The following IL18 variants were observed in gnomAD, a reference collection of about 807,000 sequenced individuals.
IL18 encodes interleukin-18.
A neutral mutation model predicts 14.2 loss-of-function variants in IL18; 8 were observed. The observed-to-expected ratio is 0.56, with a 90% CI of 0.33 to 1.01. IL18 has a LOEUF of 1.01. Among genes scored for constraint, IL18 ranks in the 50% least tolerant of loss-of-function variants. The pLI, the probability that IL18 is intolerant of heterozygous loss-of-function variation, is 0.03. For synonymous variants in IL18, 67 were observed against 71.0 expected (o/e 0.94, Z 0.28); for missense variants, 166 against 231.1 (o/e 0.72, Z 1.83).
chr11:112,152,503 C>T (rs1386056452), intron 3 of IL18, among the ~76,000 whole-genome samples: 1 of 152,170 alleles, frequency 6.6e-6, no homozygotes, highest in Non-Finnish European at 1.5e-5. Flanking sequence ...TTTAAAGAGT[C>T]ATATGGCTAC....
At chr11:112,156,615 T>C (rs1475498261) in intron 1 of IL18, among the ~76,000 whole-genome samples, 2 of 152,014 alleles carry the variant, frequency 1.3e-5, no homozygotes, top group Non-Finnish European at 2.9e-5. Context: ...AGATAAGTTT[T>C]CATATGTTTG....
chr11:112,157,419 G>C (rs1866552628), intron 1 of IL18, among the ~76,000 whole-genome samples: 2 of 152,178 alleles, frequency 1.3e-5, no homozygotes, highest in South Asian at 4.1e-4. Flanking sequence ...CACCAGTTAA[G>C]GTTTGAGCAT....
At chr11:112,160,339 T>C (rs779192968) in intron 1 of IL18, among the ~76,000 whole-genome samples, 15 of 134,728 alleles carry the variant, frequency 1.1e-4, no homozygotes, top group Non-Finnish European at 2.0e-4. Context: ...CTGCAAACCC[T>C]GCCTCATCTT....
At chr11:112,154,517 A>G (rs1866499933) in intron 2 of IL18, among the ~76,000 whole-genome samples, 1 of 152,106 alleles carries the variant, frequency 6.6e-6, no homozygotes. Context: ...CAGAAAAAAA[A>G]AAAAAAGAAT....
chr11:112,162,682 T>C (rs1866654426), intron 1 of IL18, among the ~76,000 whole-genome samples: 1 of 152,212 alleles, frequency 6.6e-6, no homozygotes, highest in Admixed American at 6.5e-5. Context: ...TCCTGCTATT[T>C]TGCAGTGAAC....
At chr11:112,156,035 G>A (rs1866525141) in intron 1 of IL18, among the ~76,000 whole-genome samples, 1 of 152,172 alleles carries the variant, frequency 6.6e-6, no homozygotes, top group Non-Finnish European at 1.5e-5. Flanking sequence ...TGAAATTACA[G>A]AAGTTTAGTC....
At chr11:112,146,711 G>A (rs1039849392) in intron 5 of IL18, among the ~76,000 whole-genome samples, 2 of 151,956 alleles carry the variant, frequency 1.3e-5, no homozygotes, top group Admixed American at 6.6e-5. Context: ...TTAAAGACAA[G>A]GGCTAAAACT....
At chr11:112,162,482 T>A (rs1392471824) in intron 1 of IL18, among the ~76,000 whole-genome samples, 1 of 152,064 alleles carries the variant, frequency 6.6e-6, no homozygotes, top group Admixed American at 6.6e-5. Flanking sequence ...TAGTTGGGAC[T>A]ACAGGCACAT....
intron 1 of IL18, among the ~76,000 whole-genome samples, chr11:112,162,560 G>T (rs1016769813): frequency 5.3e-5 from 8 of 152,074 alleles, no homozygotes; most frequent in Non-Finnish European, 7.4e-5. Context: ...GCCCAGGCTG[G>T]TCTTGAACTC....
chr11:112,153,480 G>T, intron 3 of IL18, 112 bp downstream of exon 3: 1 of 601,410 alleles, frequency 1.7e-6, no homozygotes, highest in Non-Finnish European at 2.8e-6. Context: ...TTTGAAGGCA[G>T]ATTGGTAGCA....
At position 112,143,749 on chromosome 11, in the gene IL18, T is replaced by C; in HGVS notation, c.429A>G (p.Pro143=). 1 of 1,612,942 alleles carries C rather than the reference T, an allele frequency of 6.2e-7. No homozygotes were observed. The highest frequency in any genetic ancestry group is 8.5e-7 in the Non-Finnish European group (1 of 1,179,018). Residue 143 remains proline (P), a synonymous_variant, in exon 6 of 6, where the codon CCA becomes CCG. Transcript: ENST00000280357. ...SDIIFFQRSV[P]GHDNKMQFES... is the part of the protein sequence containing the mutation. ...CAAATTGCATCTTATTATCATGTCCTGGGACACTTCTCTGAAAGAATATGA... is the reference window on the plus strand; with the variant it reads ...CAAATTGCATCTTATTATCATGTCCCGGGACACTTCTCTGAAAGAATATGA...
At chr11:112,162,248 T>G (rs1008475389) in intron 1 of IL18, among the ~76,000 whole-genome samples, 2 of 151,958 alleles carry the variant, frequency 1.3e-5, no homozygotes, top group African/African-American at 4.8e-5. Flanking sequence ...TTTGAATAGA[T>G]AGAGAAGGCA....
At chr11:112,163,621 A>G (rs1168965893) in intron 1 of IL18, among the ~76,000 whole-genome samples, 1 of 152,158 alleles carries the variant, frequency 6.6e-6, no homozygotes, top group Non-Finnish European at 1.5e-5. Flanking sequence ...AAAAGTACAT[A>G]GTTATTTTTA....
At chr11:112,145,250 T>A (rs991960112) in intron 5 of IL18, among the ~76,000 whole-genome samples, 1 of 152,202 alleles carries the variant, frequency 6.6e-6, no homozygotes, top group African/African-American at 2.4e-5. Flanking sequence ...GGTCCTAAGT[T>A]GATGAAAGTA....
At chr11:112,149,534 G>C (rs1866399911) in intron 4 of IL18, among the ~76,000 whole-genome samples, 1 of 146,208 alleles carries the variant, frequency 6.8e-6, no homozygotes, top group Admixed American at 6.9e-5. Context: ...AGGCACAGTA[G>C]ACTTGATCAT....
chr11:112,163,384 A>C (rs1866666888), intron 1 of IL18, among the ~76,000 whole-genome samples: 1 of 152,170 alleles, frequency 6.6e-6, no homozygotes, highest in African/African-American at 2.4e-5. Flanking sequence ...GGAGTTCCTA[A>C]AGTGAAAGCT....
chr11:112,147,956 T>C (rs1428445267), intron 5 of IL18, among the ~76,000 whole-genome samples: 1 of 152,146 alleles, frequency 6.6e-6, no homozygotes, highest in Non-Finnish European at 1.5e-5. Context: ...AGAAAAATAA[T>C]AGAGAATAAT....
intron 2 of IL18, among the ~76,000 whole-genome samples, chr11:112,154,076 C>T (rs1373802212): frequency 6.6e-6 from 1 of 152,054 alleles, no homozygotes; most frequent in Non-Finnish European, 1.5e-5. Context: ...CCTCCTGCTT[C>T]AGCCTCCAAA....
At chr11:112,162,753 A>T (rs572615865) in intron 1 of IL18, among the ~76,000 whole-genome samples, 1 of 152,348 alleles carries the variant, frequency 6.6e-6, no homozygotes, top group Admixed American at 6.5e-5. Flanking sequence ...GAGTAAATTT[A>T]ATCTCACAGG....
Sources: gnomAD v4.1 joint callset for allele counts (sites outside exome capture counted in the v4.1 genomes callset) on GRCh38, gnomAD v4.1.1 for gene constraint, MANE v1.5 for transcripts, NCBI Gene and HGNC (gene_info 2026-07-23, HGNC 2026-07-21) for gene names.